The following MAGI2 variants were observed in gnomAD, a reference collection of about 807,000 sequenced individuals.
MAGI2 encodes membrane-associated guanylate kinase, WW and PDZ domain-containing protein 2.
MAGI2 carries 35 observed loss-of-function variants against 133.3 expected under a neutral mutation model. The ratio of observed to expected loss-of-function variants is 0.26; its 90% CI spans 0.20 to 0.35. The LOEUF is 0.35. Among genes scored for constraint, MAGI2 ranks in the 10% least tolerant of loss-of-function variants. MAGI2 has a pLI of 1.00. For missense variants in MAGI2, 1,636 were observed against 1,863.4 expected, an observed-to-expected ratio of 0.88 and a Z score of 2.25; for synonymous variants, 729 against 710.6, an observed-to-expected ratio of 1.03 and a Z score of -0.41.
intron 1 of MAGI2, among the ~76,000 whole-genome samples, chr7:79,208,591 T>C (rs1226818072): frequency 5.3e-5 from 8 of 151,960 alleles, no homozygotes; most frequent in Non-Finnish European, 8.8e-5. Context: ...GGAATGTAAA[T>C]TATTATAGCC....
At chr7:79,189,498 T>G (rs1002010634) in intron 1 of MAGI2, among the ~76,000 whole-genome samples, 1 of 151,626 alleles carries the variant, frequency 6.6e-6, no homozygotes, top group Non-Finnish European at 1.5e-5. Context: ...AGTTTATGTT[T>G]TCAAAAAAAT....
intron 6 of MAGI2, among the ~76,000 whole-genome samples, chr7:78,461,706 G>A (rs1790038308): frequency 6.6e-6 from 1 of 151,740 alleles, no homozygotes; most frequent in Admixed American, 6.6e-5. Context: ...GAGGTCGGGA[G>A]TCCGAGAGCA....
chr7:78,032,348 G>T (rs1809678289), intron 21 of MAGI2, among the ~76,000 whole-genome samples: 1 of 152,056 alleles, frequency 6.6e-6, no homozygotes, highest in Admixed American at 6.6e-5. Context: ...CCGAGTAGCT[G>T]GGATTACAGG....
intron 16 of MAGI2, among the ~76,000 whole-genome samples, chr7:78,138,354 GAAGA>G (rs904942422): frequency 1.3e-5 from 2 of 152,166 alleles, no homozygotes; most frequent in African/African-American, 2.4e-5. Context: ...GGAGGAGAGA[GAAGA>G]AAGAGAAGAG....
At chr7:78,243,733 A>G (rs1791436162) in intron 10 of MAGI2, among the ~76,000 whole-genome samples, 1 of 152,134 alleles carries the variant, frequency 6.6e-6, no homozygotes, top group East Asian at 1.9e-4. Flanking sequence ...TAGGAAGAAA[A>G]GTTTTCAAAA....
At chr7:78,971,944 A>T (rs763958802) in intron 2 of MAGI2, among the ~76,000 whole-genome samples, 11 of 151,958 alleles carry the variant, frequency 7.2e-5, no homozygotes, top group Non-Finnish European at 1.2e-4. Flanking sequence ...GTACATTTTA[A>T]GAGCCATATA....
At chr7:79,315,896 G>A (rs80064096) in intron 1 of MAGI2, among the ~76,000 whole-genome samples, 2 of 152,142 alleles carry the variant, frequency 1.3e-5, no homozygotes, top group African/African-American at 4.8e-5. Flanking sequence ...AAATGAAGGA[G>A]GAGTGGGAAA....
intron 1 of MAGI2, among the ~76,000 whole-genome samples, chr7:79,406,578 T>C (rs1845821667): frequency 6.6e-6 from 1 of 152,108 alleles, no homozygotes; most frequent in Non-Finnish European, 1.5e-5. Context: ...TGAGTTTATG[T>C]CAATAAACAG....
intron 2 of MAGI2, among the ~76,000 whole-genome samples, chr7:78,646,329 G>T (rs1170706136): frequency 6.6e-6 from 1 of 152,054 alleles, no homozygotes; most frequent in African/African-American, 2.4e-5. Context: ...ATCATTAAAA[G>T]AACACTTATA....
chr7:79,345,263 T>C (rs1841224834), intron 1 of MAGI2, among the ~76,000 whole-genome samples: 1 of 151,942 alleles, frequency 6.6e-6, no homozygotes, highest in African/African-American at 2.4e-5. Context: ...GCTAACACCA[T>C]GTGAAGATGA....
intron 9 of MAGI2, among the ~76,000 whole-genome samples, chr7:78,318,349 C>T (rs1054025564): frequency 1.3e-5 from 2 of 152,056 alleles, no homozygotes; most frequent in African/African-American, 2.4e-5. Context: ...ATAGCCAAAT[C>T]GATTAAGCAG....
At position 79,444,235 on chromosome 7, in the gene MAGI2, T is replaced by A. The variant is rs186391067; in HGVS notation, c.301+8785A>T. 9.4e-3 allele frequency among the ~76,000 whole-genome samples: 1,428 copies of A among 152,254 alleles called. 24 individuals carry two copies. The highest frequency in any genetic ancestry group is 0.033 in the African/African-American group (1,375 of 41,538). ...CTGAATGGGCAAAAACTGGAAGCAT[T>A]CCCTTTGAAAACTGGCTCAAGACAG... is the stretch of plus-strand genomic sequence containing the variant. On this transcript the variant is annotated intron_variant, in intron 1 of 21. Coordinates refer to ENST00000354212, the MANE Select transcript of MAGI2 (RefSeq NM_012301.4).
intron 2 of MAGI2, among the ~76,000 whole-genome samples, chr7:78,974,692 T>C (rs1027153897): frequency 4.0e-5 from 6 of 151,798 alleles, no homozygotes; most frequent in Non-Finnish European, 5.9e-5. Context: ...TTCCTATTTA[T>C]AGTGTACAAT....
rs1808001343 is a variant in MAGI2 at position 78,018,872 on chromosome 7, G to C, written c.*443C>G. On this transcript the variant is annotated 3_prime_UTR_variant, in exon 22 of 22. Coordinates refer to ENST00000354212, the MANE Select transcript of MAGI2 (RefSeq NM_012301.4). ...TAGATCAATTAAAAGATATAATCTT[G>C]TCTCAGTTTCAGCTTGCTCCGTGCA... is the stretch of plus-strand genomic sequence containing the variant. 2.9e-6 allele frequency: 1 copy of C among 343,606 alleles called. No individual in the cohort carries two copies. The allele number at this position is 343,606 out of a possible 1,614,324, so 21.3% of individuals were successfully genotyped here. A position where few individuals can be genotyped will look rare whatever the true frequency, so the allele number is the denominator to read the frequency against.
chr7:78,345,945 G>C lies in MAGI2; in HGVS notation c.1202C>G (p.Pro401Arg). 6.2e-7 allele frequency: 1 copy of C among 1,614,128 alleles called. No homozygotes were observed. Among genetic ancestry groups the C allele is most frequent in the Non-Finnish European group, 8.5e-7 (1 of 1,180,026 alleles). Residue 401 changes from proline (P) to arginine (R), a missense_variant, in exon 8 of 22, where the codon CCC becomes CGC. Physicochemically the swap from Pro to Arg is moderately radical, Grantham distance 103. Around this residue, in one of 5 missense-constraint regions of MAGI2, gnomAD observed 920 missense variants for 1,093.5 expected, o/e 0.84. Transcript: ENST00000354212. ...ACCTCGGAAACCTGGGGCCTGCAGGGGCTTTGTTCCAAGTTCTGTGTGGGG... is the reference window on the plus strand; with the variant it reads ...ACCTCGGAAACCTGGGGCCTGCAGGCGCTTTGTTCCAAGTTCTGTGTGGGG... ...NMPHTELGTK[P>R]LQAPGFREKP...
chr7:78,470,840 C>G (rs1266615937), intron 6 of MAGI2, among the ~76,000 whole-genome samples: 1 of 152,054 alleles, frequency 6.6e-6, no homozygotes, highest in Admixed American at 6.6e-5. Flanking sequence ...AGACATAAAG[C>G]TGTCATTTCA....
chr7:78,466,551 C>T (rs1790653116), intron 6 of MAGI2, among the ~76,000 whole-genome samples: 1 of 152,158 alleles, frequency 6.6e-6, no homozygotes, highest in Non-Finnish European at 1.5e-5. Context: ...TAGGTGGTGG[C>T]TGCCAAAAGA....
At chr7:78,827,523 C>T (rs941046021) in intron 2 of MAGI2, among the ~76,000 whole-genome samples, 1 of 152,100 alleles carries the variant, frequency 6.6e-6, no homozygotes, top group Non-Finnish European at 1.5e-5. Flanking sequence ...GCAATCCTCC[C>T]GCCTTGGGTT....
Position 78,160,290 on chromosome 7 carries a change from A to G in MAGI2, c.2597-17T>C. 6.4e-7 allele frequency: 1 copy of G among 1,559,016 alleles called. No individual in the cohort carries two copies. The highest frequency in any genetic ancestry group is 8.7e-7 in the Non-Finnish European group (1 of 1,150,554). On this transcript the variant is annotated splice_polypyrimidine_tract_variant and intron_variant, in intron 15 of 21. Transcript: ENST00000354212. The stretch of plus-strand genomic sequence containing the variant: ...AGGGCTCCCCTGCAAAATATACCAC[A>G]CACAGGTAATCAATTACCTTACAAG...
Sources: allele counts gnomAD v4.1 joint callset (sites outside exome capture counted in the v4.1 genomes callset), GRCh38; gene constraint gnomAD v4.1.1; regional missense constraint gnomAD v4.1.1; transcripts MANE v1.5; gene names NCBI Gene and HGNC (gene_info 2026-07-23, HGNC 2026-07-21).